Variants in MBOAT7 observed in about 807,000 individuals in gnomAD.
MBOAT7 encodes membrane bound acylglycerophosphatidylinositol O-acyltransferase MBOAT7.
Under a neutral mutation model 47.4 loss-of-function variants are expected in MBOAT7, and 40 were observed. The observed-to-expected ratio is 0.84, with a 90% CI of 0.66 to 1.10. The LOEUF is 1.10. Ranked by LOEUF, MBOAT7 falls within the 50% of genes least tolerant of loss-of-function variation. The probability of loss-of-function intolerance (pLI) is 0.00; values close to 1 mark genes in which losing one functional copy is unlikely to be tolerated. For synonymous variants in MBOAT7, 361 were observed against 292.0 expected (o/e 1.24, Z -2.41); for missense variants, 680 against 655.6 (o/e 1.04, Z -0.41).
At chr19:54,186,487 G>A (rs2076430739) in intron 4 of MBOAT7, among the ~76,000 whole-genome samples, 1 of 152,120 alleles carries the variant, frequency 6.6e-6, no homozygotes, top group African/African-American at 2.4e-5. Flanking sequence ...CCTTTTGCTC[G>A]TCCCAGAAAG....
rs1294543126 is a variant in MBOAT7 at position 54,173,442 on chromosome 19, T to C, written c.*602A>G. The C allele has an allele frequency of 2.2e-5, 6 of 270,786 alleles. No homozygotes were observed. The highest frequency in any genetic ancestry group is 3.5e-5 in the Non-Finnish European group (5 of 141,150). 16.8% of individuals were successfully genotyped at this position (270,786 alleles called of 1,614,324 possible). The stretch of plus-strand genomic sequence containing the variant: ...TTGTGCAACACTTTATTGGGAAAGA[T>C]TTACACACGGTGACCTGTCATAGGC... On this transcript the variant is annotated 3_prime_UTR_variant, in exon 8 of 8. Transcript: ENST00000245615.
chr19:54,184,157 CTCTCTTTT>C (rs2076364468), intron 4 of MBOAT7, among the ~76,000 whole-genome samples: 2 of 137,344 alleles, frequency 1.5e-5, no homozygotes, highest in Non-Finnish European at 1.6e-5. Flanking sequence ...TTTAATCTCT[CTCTCTTTT>C]TTTTTTTTTT....
Position 54,188,278 on chromosome 19 carries a change from G to A in MBOAT7, c.145C>T (p.His49Tyr). 3 of 1,614,008 alleles carry A rather than the reference G, an allele frequency of 1.9e-6. No individual in the cohort carries two copies. The highest frequency in any genetic ancestry group is 2.5e-6 in the Non-Finnish European group (3 of 1,179,972). ...LGLTLFTCGP[H>Y]TLHSLVTILG... ...ATGGTGACCAGAGAATGCAAAGTGT[G>A]GGGGCCACAGGTGAACAGGGTGAGC... The change falls in exon 3 of 8, where the codon CAC becomes TAC. Residue 49 changes from histidine (H) to tyrosine (Y), a missense_variant. Transcript: ENST00000245615.
rs1310680185 is a variant in MBOAT7, at chr19:54,189,379, C to G, written c.-45G>C. 6.5e-6 allele frequency: 1 copy of G among 152,816 alleles called. No homozygotes were observed. Among genetic ancestry groups the G allele is most frequent in the African/African-American group, 2.4e-5 (1 of 41,456 alleles). The allele number at this position is 152,816 out of a possible 1,614,324, so 9.5% of individuals were successfully genotyped here. On this transcript the variant is annotated 5_prime_UTR_variant, in exon 1 of 8. Transcript: ENST00000245615. ...GCAGGAGGCGGCCGAGCAGTCCCAG[C>G]CCGCTTGCCGCCGCAGCTCCGGCCA... is the stretch of plus-strand genomic sequence containing the variant.
chr19:54,188,410 A>G, intron 2 of MBOAT7, 23 bp downstream of exon 2: 1 of 1,575,050 alleles, frequency 6.3e-7, no homozygotes, highest in Non-Finnish European at 8.6e-7. Flanking sequence ...TTTATTTTCC[A>G]CTGGGGAGGG....
At chr19:54,188,175 C>A in intron 3 of MBOAT7, 42 bp downstream of exon 3, 1 of 1,546,316 alleles carries the variant, frequency 6.5e-7, no homozygotes, top group Non-Finnish European at 8.7e-7. Flanking sequence ...TTGCTTCCCC[C>A]TCTCCCCTCC....
chr19:54,180,855 C>T lies in MBOAT7; in HGVS notation c.772G>A (p.Ala258Thr). ...AWIAAECGCI[A>T]AGFGAYPVAA... Reference sequence around the variant, plus strand: ...ACGGGGTAGGCCCCAAAGCCGGCGGCAATGCAGCCGCACTCGGCGGCAATC... The same window carrying T: ...ACGGGGTAGGCCCCAAAGCCGGCGGTAATGCAGCCGCACTCGGCGGCAATC... The change falls in exon 6 of 8, where the codon GCC (alanine) becomes ACC (threonine). Residue 258 changes from alanine (A) to threonine (T), a missense_variant. By Grantham distance (58) the Ala-to-Thr change is moderately conservative (BLOSUM62 0). Transcript: ENST00000245615. The surrounding 1 kb of genome is among the most constrained non-coding windows in gnomAD (Gnocchi z 5.2). 1 of 1,583,358 alleles carries T rather than the reference C, an allele frequency of 6.3e-7. No homozygotes were observed. Among genetic ancestry groups the T allele is most frequent in the Non-Finnish European group, 8.6e-7 (1 of 1,167,456 alleles).
chr19:54,175,908 A>C (rs1005373231), intron 7 of MBOAT7, among the ~76,000 whole-genome samples: 2 of 152,176 alleles, frequency 1.3e-5, no homozygotes, highest in Non-Finnish European at 2.9e-5. Context: ...TATTTCTGGT[A>C]AAGACGGGGT....
At chr19:54,187,559 T>C (rs77150275) in intron 3 of MBOAT7, among the ~76,000 whole-genome samples, 2 of 152,202 alleles carry the variant, frequency 1.3e-5, no homozygotes, top group Non-Finnish European at 2.9e-5. Context: ...TCCTCCACTT[T>C]TTCTTTATTT....
intron 4 of MBOAT7, among the ~76,000 whole-genome samples, chr19:54,184,077 G>A (rs2076361297): frequency 6.6e-6 from 1 of 151,364 alleles, no homozygotes; most frequent in African/African-American, 2.4e-5. Flanking sequence ...CTCTTCTAGT[G>A]TCACCCCTCA....
chr19:54,188,061 G>GAAAGAAAGAAAGAAAGAAAGAAAGAA (rs2076497598), intron 3 of MBOAT7, among the ~76,000 whole-genome samples, 156 bp downstream of exon 3: 1 of 52,992 alleles, frequency 1.9e-5, no homozygotes, highest in African/African-American at 5.2e-5. Flanking sequence ...AAGAAAGAAA[G>GAAAGAAAGAAAGAAAGAAAGAAAGAA]AAAGAAAGAC....
intron 7 of MBOAT7, among the ~76,000 whole-genome samples, chr19:54,176,323 C>G (rs2076107425): frequency 6.6e-6 from 1 of 152,124 alleles, no homozygotes; most frequent in South Asian, 2.1e-4. Flanking sequence ...GGACCATTGG[C>G]TTTCTGGTTC....
chr19:54,186,576 A>G lies in MBOAT7; in HGVS notation c.333+585T>C, dbSNP rs550874268. Among the ~76,000 whole-genome samples, 8 of 151,910 alleles carry G rather than the reference A, an allele frequency of 5.3e-5. No individual in the cohort carries two copies. The South Asian group carries it at 1.0e-3, about 20-fold the overall frequency. The stretch of plus-strand genomic sequence containing the variant: ...TGCGGCCTGAAATGCTCCTCCACGA[A>G]CCCCTCTCTCATCCAACCTACTCCT... On this transcript the variant is annotated intron_variant, in intron 4 of 7. Coordinates refer to ENST00000245615, the MANE Select transcript of MBOAT7 (RefSeq NM_024298.5).
Position 54,181,169 on chromosome 19 carries a change from G to T in MBOAT7, c.494-36C>A, listed in dbSNP as rs142100180. The T allele has an allele frequency of 1.9e-3, 2,682 of 1,449,238 alleles. 39 individuals carry two copies. The East Asian group carries it at 0.035, about 19-fold the overall frequency. The allele number at this position is 1,449,238 out of a possible 1,614,324, so 89.8% of individuals were successfully genotyped here. ...GGGAGGGAGGGCCGCGGTCAGACAG[G>T]CAGGTGGGCAGAGCTCAAGTCTGCA... is the stretch of plus-strand genomic sequence containing the variant. On this transcript the variant is annotated intron_variant, in intron 5 of 7. Coordinates refer to ENST00000245615, the MANE Select transcript of MBOAT7 (RefSeq NM_024298.5).
chr19:54,183,077 G>GA lies in MBOAT7; in HGVS notation c.493+443_493+444insT, dbSNP rs2076332720. Reference sequence around the variant, plus strand: ...GACGGGATCTTGCTATGTTGGCCAAGTTGATCTTGAACTTTTGGCCTCAAG... The same window carrying GA: ...GACGGGATCTTGCTATGTTGGCCAAGATTGATCTTGAACTTTTGGCCTCAAG... On this transcript the variant is annotated intron_variant, in intron 5 of 7. Coordinates refer to ENST00000245615, the MANE Select transcript of MBOAT7 (RefSeq NM_024298.5). Among the ~76,000 whole-genome samples, 4 of 152,268 alleles carry GA rather than the reference G, an allele frequency of 2.6e-5. No homozygotes were observed. In the South Asian group the frequency reaches 8.3e-4, roughly 32 times the overall value.
chr19:54,182,021 G>T (rs1272355971), intron 5 of MBOAT7, among the ~76,000 whole-genome samples: 1 of 134,674 alleles, frequency 7.4e-6, no homozygotes, highest in Non-Finnish European at 1.6e-5. Flanking sequence ...GAAGGAAGGA[G>T]GGAGGGAAGG....
At chr19:54,188,658 C>T in intron 1 of MBOAT7, 147 bp from the exon 2 acceptor site, 1 of 735,432 alleles carries the variant, frequency 1.4e-6, no homozygotes, top group African/African-American at 1.8e-5. Flanking sequence ...CCTTTGAGAA[C>T]CTAGCAACCC....
chr19:54,175,361 AC>A, intron 7 of MBOAT7, among the ~76,000 whole-genome samples: 2 of 152,050 alleles, frequency 1.3e-5, no homozygotes, highest in East Asian at 3.9e-4. Flanking sequence ...CCTTGTCCCC[AC>A]CCCTTTTGCA....
At chr19:54,188,067 A>AAGAAAG (rs530819793) in intron 3 of MBOAT7, 150 bp downstream of exon 3, 2 of 234,318 alleles carry the variant, frequency 8.5e-6, no homozygotes, top group Non-Finnish European at 1.4e-5. Flanking sequence ...GAAAGAAAGA[A>AAGAAAG]AGACAAACAA....
Sources: gnomAD v4.1 joint callset for allele counts (sites outside exome capture counted in the v4.1 genomes callset) on GRCh38, gnomAD v4.1.1 for gene constraint, Gnocchi (gnomAD v3.1) non-coding constraint, MANE v1.5 for transcripts, NCBI Gene and HGNC (gene_info 2026-07-23, HGNC 2026-07-21) for gene names.